The following LOC122539214 variants were observed in gnomAD, a reference collection of about 807,000 sequenced individuals.
the LOC122539214 span, among the ~76,000 whole-genome samples, chr19:52,675,306 C>CA: frequency 6.6e-5 from 10 of 152,108 alleles, no homozygotes; most frequent in Admixed American, 2.0e-4. Flanking sequence ...GATCCTAGGC[C>CA]TGAAGGATCC....
At chr19:52,681,804 T>C in the LOC122539214 span, among the ~76,000 whole-genome samples, 13 of 152,302 alleles carry the variant, frequency 8.5e-5, no homozygotes, top group Middle Eastern at 3.4e-3. Context: ...TACAAGGTCA[T>C]TGAATGGACA....
At chr19:52,654,108 T>C in the LOC122539214 span, 2 of 1,605,114 alleles carry the variant, frequency 1.2e-6, no homozygotes, top group Admixed American at 3.3e-5. Flanking sequence ...CAGGCAGATG[T>C]GAATAAAAGC....
At chr19:52,651,376 T>C in the LOC122539214 span, 2 of 152,184 alleles carry the variant, frequency 1.3e-5, no homozygotes, top group African/African-American at 4.8e-5. Context: ...TTCTCCTAAC[T>C]TGTTTGGCCA....
At chr19:52,688,232 A>G in the LOC122539214 span, among the ~76,000 whole-genome samples, 20 of 151,926 alleles carry the variant, frequency 1.3e-4, no homozygotes, top group Non-Finnish European at 2.9e-4. Context: ...GTGCAGTGGC[A>G]TGATCTTGGC....
the LOC122539214 span, among the ~76,000 whole-genome samples, chr19:52,667,861 A>G: frequency 1.3e-5 from 2 of 152,238 alleles, no homozygotes; most frequent in African/African-American, 4.8e-5. Context: ...AACATTAATA[A>G]AACACTAATA....
the LOC122539214 span, among the ~76,000 whole-genome samples, chr19:52,681,867 A>G: frequency 2.0e-5 from 3 of 152,170 alleles, no homozygotes; most frequent in Non-Finnish European, 4.4e-5. Flanking sequence ...TTTCCTTTTA[A>G]GACAGAGTCT....
At chr19:52,654,446 T>C in the LOC122539214 span, 6 of 768,834 alleles carry the variant, frequency 7.8e-6, no homozygotes, top group Non-Finnish European at 1.2e-5. Flanking sequence ...TAAGTACAGA[T>C]GGTAAATAAT....
At chr19:52,689,345 G>T in the LOC122539214 span, among the ~76,000 whole-genome samples, 1 of 151,662 alleles carries the variant, frequency 6.6e-6, no homozygotes, top group South Asian at 2.1e-4. Flanking sequence ...CCATCTCAGC[G>T]CCTCCTCTGC....
At chr19:52,680,622 T>TG in the LOC122539214 span, among the ~76,000 whole-genome samples, 1 of 143,998 alleles carries the variant, frequency 6.9e-6, no homozygotes, top group Non-Finnish European at 1.5e-5. Flanking sequence ...TTTTTTTTTT[T>TG]TTTTTTTTGA....
the LOC122539214 span, among the ~76,000 whole-genome samples, chr19:52,684,251 A>C: frequency 1.3e-5 from 2 of 152,132 alleles, no homozygotes; most frequent in Non-Finnish European, 2.9e-5. Flanking sequence ...CTGTAATCCC[A>C]GCTACTCGGG....
chr19:52,669,595 T>C, the LOC122539214 span, among the ~76,000 whole-genome samples: 3 of 152,144 alleles, frequency 2.0e-5, no homozygotes, highest in Admixed American at 6.5e-5. Context: ...ACTGCGCCCA[T>C]TGAAAGTAAA....
the LOC122539214 span, chr19:52,652,705 T>C: frequency 1.5e-6 from 1 of 655,412 alleles, no homozygotes; most frequent in Non-Finnish European, 2.7e-6. Flanking sequence ...ACTGAGGACT[T>C]TGTGAGAATC....
At chr19:52,673,500 TCA>T in the LOC122539214 span, among the ~76,000 whole-genome samples, 93 of 148,874 alleles carry the variant, frequency 6.2e-4, no homozygotes, top group South Asian at 0.013. Flanking sequence ...TGTAACTCCA[TCA>T]CACACACACA....
chr19:52,650,871 CA>C, the LOC122539214 span: 1 of 152,168 alleles, frequency 6.6e-6, no homozygotes. Context: ...AAGAAAGCTA[CA>C]TCAATGCTAA....
the LOC122539214 span, among the ~76,000 whole-genome samples, chr19:52,660,153 T>C: frequency 6.6e-6 from 1 of 151,956 alleles, no homozygotes; most frequent in Non-Finnish European, 1.5e-5. Context: ...AAGACCACAG[T>C]AGTAAGCTTT....
At chr19:52,676,152 C>A in the LOC122539214 span, among the ~76,000 whole-genome samples, 13 of 152,154 alleles carry the variant, frequency 8.5e-5, no homozygotes, top group Non-Finnish European at 1.6e-4. Context: ...GACTGGTTTT[C>A]GTATTTTTTT....
the LOC122539214 span, among the ~76,000 whole-genome samples, chr19:52,683,155 C>A: frequency 2.6e-5 from 4 of 152,048 alleles, no homozygotes; most frequent in African/African-American, 9.7e-5. Flanking sequence ...CAGGGGTGAG[C>A]CACCACAGCC....
At chr19:52,652,892 T>G in the LOC122539214 span, 2 of 1,086,092 alleles carry the variant, frequency 1.8e-6, no homozygotes, top group African/African-American at 3.1e-5. Context: ...TCATTGCACT[T>G]GTAAGGTTTC....
At chr19:52,682,262 A>G in the LOC122539214 span, among the ~76,000 whole-genome samples, 8 of 152,158 alleles carry the variant, frequency 5.3e-5, no homozygotes, top group East Asian at 1.9e-4. Flanking sequence ...GTAACCATGG[A>G]CTTATCCATC....
Sources: gnomAD v4.1 joint callset for allele counts (sites outside exome capture counted in the v4.1 genomes callset) on GRCh38, gnomAD v4.1.1 for gene constraint, MANE v1.5 for transcripts.